The following DNAH12 variants were observed in gnomAD, a reference collection of about 807,000 sequenced individuals.
DNAH12 encodes the protein axonemal beta dynein heavy chain 12.
Under a neutral mutation model 371.5 loss-of-function variants are expected in DNAH12, and 285 were observed. That is an observed-to-expected ratio of 0.77 (90% CI 0.70 to 0.85). The LOEUF is 0.85. Among genes scored for constraint, DNAH12 ranks in the 40% least tolerant of loss-of-function variants. DNAH12 has a pLI of 0.00. For synonymous variants in DNAH12, 1,200 were observed against 1,213.0 expected (o/e 0.99, Z 0.22); for missense variants, 3,611 against 3,689.4 (o/e 0.98, Z 0.55).
chr3:57,312,974 A>G (rs2061611109), intron 66 of DNAH12, among the ~76,000 whole-genome samples: 1 of 152,224 alleles, frequency 6.6e-6, no homozygotes, highest in Admixed American at 6.5e-5. Flanking sequence ...TAGCCTTACA[A>G]AAACCTACCT....
intron 22 of DNAH12, among the ~76,000 whole-genome samples, chr3:57,455,390 C>T (rs1295549935): frequency 5.3e-5 from 8 of 151,476 alleles, no homozygotes; most frequent in African/African-American, 1.9e-4. Context: ...GTGGTGAAAC[C>T]CCCATCTCTA....
Position 57,526,095 on chromosome 3 carries a change from C to T in DNAH12, c.171-2211G>A, listed in dbSNP as rs141076031. On this transcript the variant is annotated intron_variant, in intron 2 of 73. Coordinates refer to ENST00000495027, the MANE Select transcript of DNAH12 (RefSeq NM_001366028.2). ...TTTTTTTGTACCCATTAACCATCCCCAATTCCCTCCTCTCATCTTCCCCAC... is the reference window on the plus strand; with the variant it reads ...TTTTTTTGTACCCATTAACCATCCCTAATTCCCTCCTCTCATCTTCCCCAC... Among the ~76,000 whole-genome samples, 284 of 152,146 alleles carry T rather than the reference C, an allele frequency of 1.9e-3. 1 individual carries two copies. Among genetic ancestry groups the T allele is most frequent in the Middle Eastern group, 6.8e-3 (2 of 294 alleles).
chr3:57,418,557 A>AAAAAAAAC (rs797009937), intron 37 of DNAH12, among the ~76,000 whole-genome samples: 5 of 150,238 alleles, frequency 3.3e-5, no homozygotes, highest in African/African-American at 1.2e-4. Context: ...AAAACAAAAA[A>AAAAAAAAC]CTGCTATACT....
chr3:57,533,916 T>G (rs1454860232), intron 2 of DNAH12, among the ~76,000 whole-genome samples: 1 of 152,228 alleles, frequency 6.6e-6, no homozygotes, highest in Non-Finnish European at 1.5e-5. Flanking sequence ...TGAGCTCAGC[T>G]CAGCACTAGG....
chr3:57,432,986 T>TA (rs2065000675), intron 32 of DNAH12, among the ~76,000 whole-genome samples: 1 of 152,178 alleles, frequency 6.6e-6, no homozygotes, highest in African/African-American at 2.4e-5. Context: ...CCGAAGGTGA[T>TA]ATACTGTATA....
In DNAH12 at chr3:57,449,402, GCTC is replaced by G. The variant is rs574178851; in HGVS notation, c.3787-2716_3787-2714del. Among the ~76,000 whole-genome samples, 22 of 152,352 alleles carry G rather than the reference GCTC, an allele frequency of 1.4e-4. No individual in the cohort carries two copies. The South Asian group carries it at 4.6e-3, about 32-fold the overall frequency. ...TGGGCGCCATGGAGCAGGGGGTGGTGCTCCTCAGGGAGGCTCCGGCCGCACAGG... is the reference window on the plus strand; with the variant it reads ...TGGGCGCCATGGAGCAGGGGGTGGTGCTCAGGGAGGCTCCGGCCGCACAGG... On this transcript the variant is annotated intron_variant, in intron 25 of 73. Coordinates refer to ENST00000495027, the MANE Select transcript of DNAH12 (RefSeq NM_001366028.2).
Position 57,446,707 on chromosome 3 carries a change from T to C in DNAH12, c.3787-18A>G, listed in dbSNP as rs1273899750. 5 of 1,473,206 alleles carry C rather than the reference T, an allele frequency of 3.4e-6. No individual in the cohort carries two copies. Among genetic ancestry groups the C allele is most frequent in the Admixed American group, 2.7e-5 (1 of 37,724 alleles). 91.3% of individuals were successfully genotyped at this position (1,473,206 alleles called of 1,614,324 possible). On this transcript the variant is annotated intron_variant, in intron 25 of 73. Transcript: ENST00000495027. Reference sequence around the variant, plus strand: ...GCACCTATCTGAAATGAAAAACACATGTGAAAAGAAATCCATGCTTAAATT... The same window carrying C: ...GCACCTATCTGAAATGAAAAACACACGTGAAAAGAAATCCATGCTTAAATT...
rs552325385 is a variant in DNAH12 at position 57,309,271 on chromosome 3, T to G, written c.11086-17A>C. 6.6e-7 allele frequency: 1 copy of G among 1,522,112 alleles called. No homozygotes were observed. Among genetic ancestry groups the G allele is most frequent in the South Asian group, 1.3e-5 (1 of 79,578 alleles). The allele number at this position is 1,522,112 out of a possible 1,614,324, so 94.3% of individuals were successfully genotyped here. A position where few individuals can be genotyped will look rare whatever the true frequency, so the allele number is the denominator to read the frequency against. On this transcript the variant is annotated splice_polypyrimidine_tract_variant and intron_variant, in intron 68 of 73. Transcript: ENST00000495027. ...ACTAGGGAGCTAAAAGAATAGATTTTGAAGATCACAAATTATTCTCAGAAT... is the reference window on the plus strand; with the variant it reads ...ACTAGGGAGCTAAAAGAATAGATTTGGAAGATCACAAATTATTCTCAGAAT...
chr3:57,398,415 A>G (rs1191737491), intron 43 of DNAH12, among the ~76,000 whole-genome samples: 2 of 152,226 alleles, frequency 1.3e-5, no homozygotes, highest in Non-Finnish European at 2.9e-5. Context: ...TCAGGAAAGA[A>G]GTGGATATAA....
At position 57,323,536 on chromosome 3, in the gene DNAH12, ACT is replaced by A; in HGVS notation, c.10060_10061del (p.Ser3354LeufsTer30). The A allele has an allele frequency of 4.5e-6, 7 of 1,550,728 alleles. No individual in the cohort carries two copies. The highest frequency in any genetic ancestry group is 6.1e-6 in the Non-Finnish European group (7 of 1,146,728). ...GAATGGTGCAATTTGAATCCAAGTAACTCTTTGTCAAATCAAATGGTGGAGGC... is the reference window on the plus strand; with the variant it reads ...GAATGGTGCAATTTGAATCCAAGTAACTTTGTCAAATCAAATGGTGGAGGC... ...VEPPPFDLTK[S>X]YLDSNCTIPL... On this transcript the variant is annotated frameshift_variant, in exon 63 of 74. Coordinates refer to ENST00000495027, the MANE Select transcript of DNAH12 (RefSeq NM_001366028.2). LOFTEE classifies it high-confidence loss of function.
intron 13 of DNAH12, among the ~76,000 whole-genome samples, chr3:57,473,951 G>T (rs1262953747): frequency 6.6e-6 from 1 of 152,094 alleles, no homozygotes; most frequent in Admixed American, 6.6e-5. Flanking sequence ...AAAAAACGTA[G>T]TAGCACATCA....
chr3:57,334,751 C>A, intron 61 of DNAH12, 31 bp downstream of exon 61: 1 of 1,529,652 alleles, frequency 6.5e-7, no homozygotes, highest in South Asian at 1.3e-5. Context: ...TATTGCCATT[C>A]AATGATAAAT....
At chr3:57,458,900 T>C (rs2065976272) in intron 20 of DNAH12, among the ~76,000 whole-genome samples, 1 of 152,232 alleles carries the variant, frequency 6.6e-6, no homozygotes, top group African/African-American at 2.4e-5. Context: ...CAAGAAATCA[T>C]GTTTCACAAA....
At chr3:57,439,148 T>A (rs1575601451) in intron 29 of DNAH12, among the ~76,000 whole-genome samples, 1 of 152,140 alleles carries the variant, frequency 6.6e-6, no homozygotes, top group East Asian at 1.9e-4. Flanking sequence ...ATCTACGGAT[T>A]CAATGCTACT....
At chr3:57,329,331 C>G (rs1241673249) in intron 62 of DNAH12, among the ~76,000 whole-genome samples, 3 of 126,548 alleles carry the variant, frequency 2.4e-5, no homozygotes, top group African/African-American at 6.7e-5. Context: ...GCTACAGTAA[C>G]AAAAACAGCA....
chr3:57,314,410 G>T, intron 66 of DNAH12, 84 bp downstream of exon 66: 1 of 1,498,042 alleles, frequency 6.7e-7, no homozygotes, highest in South Asian at 1.3e-5. Context: ...TGGGAGAAGT[G>T]AATCAGCTAT....
chr3:57,434,510 T>C (rs2065059688), intron 30 of DNAH12, among the ~76,000 whole-genome samples: 1 of 152,100 alleles, frequency 6.6e-6, no homozygotes, highest in Admixed American at 6.6e-5. Flanking sequence ...CATTTGGGTG[T>C]TGACAGTTCT....
At chr3:57,505,981 AG>A (rs2067744687) in intron 8 of DNAH12, among the ~76,000 whole-genome samples, 1 of 152,082 alleles carries the variant, frequency 6.6e-6, no homozygotes, top group African/African-American at 2.4e-5. Flanking sequence ...CCTGGGCTCA[AG>A]TGATCCTCCC....
At chr3:57,428,413 A>G (rs1248805083) in intron 34 of DNAH12, 1 of 1,500,334 alleles carries the variant, frequency 6.7e-7, no homozygotes, top group African/African-American at 1.4e-5. Flanking sequence ...AATTTTTAAA[A>G]TTTTAGACAC....
Sources: allele counts gnomAD v4.1 joint callset (sites outside exome capture counted in the v4.1 genomes callset), GRCh38; gene constraint gnomAD v4.1.1; transcripts MANE v1.5; gene names NCBI Gene and HGNC (gene_info 2026-07-23, HGNC 2026-07-21).